The following CDC14A variants were observed in gnomAD, a reference collection of about 807,000 sequenced individuals.
CDC14A encodes the protein dual specificity protein phosphatase CDC14A.
In CDC14A, 53 loss-of-function variants were observed where a neutral mutation model predicts 74.4. The ratio of observed to expected loss-of-function variants is 0.71; its 90% CI spans 0.57 to 0.89. The LOEUF (loss-of-function observed/expected upper bound fraction) is 0.89, where lower values mean the gene tolerates loss of function less well. Ranked by LOEUF, CDC14A falls within the 40% of genes least tolerant of loss-of-function variation. The pLI is 0.00. For synonymous variants in CDC14A, 247 were observed against 258.4 expected (o/e 0.96, Z 0.43); for missense variants, 646 against 713.7 (o/e 0.91, Z 1.08).
chr1:100,416,112 T>C (rs1213946249), intron 4 of CDC14A, among the ~76,000 whole-genome samples: 1 of 152,218 alleles, frequency 6.6e-6, no homozygotes, highest in Non-Finnish European at 1.5e-5. Context: ...TTAAAAGTTT[T>C]ATGTTTCAGC....
At chr1:100,487,135 T>C (rs1022820453) in intron 11 of CDC14A, among the ~76,000 whole-genome samples, 1 of 152,244 alleles carries the variant, frequency 6.6e-6, no homozygotes, top group Middle Eastern at 3.2e-3. Flanking sequence ...AGTATTCCTC[T>C]TGAGATTGAC....
chr1:100,417,885 C>A (rs566551591), intron 4 of CDC14A, among the ~76,000 whole-genome samples: 1 of 152,312 alleles, frequency 6.6e-6, no homozygotes, highest in African/African-American at 2.4e-5. Flanking sequence ...GAGCATCTAT[C>A]TGACAGGAGG....
intron 2 of CDC14A, among the ~76,000 whole-genome samples, chr1:100,363,427 G>T (rs779687129): frequency 1.3e-5 from 2 of 152,144 alleles, no homozygotes; most frequent in Non-Finnish European, 2.9e-5. Flanking sequence ...TTTTTAACTC[G>T]TATATCAAAA....
chr1:100,351,695 A>G, upstream of CDC14A: 3 of 1,496,970 alleles, frequency 2.0e-6, no homozygotes, highest in Non-Finnish European at 2.7e-6. Flanking sequence ...TGTAAAGATT[A>G]GGCATCTGTG....
At chr1:100,401,600 A>G (rs7520005) in intron 4 of CDC14A, among the ~76,000 whole-genome samples, 44,736 of 152,092 alleles carry the variant, frequency 0.29, 9,346 homozygotes, top group African/African-American at 0.59. Flanking sequence ...TATTGTGGAT[A>G]ATAATGTTAA....
At chr1:100,420,786 T>C (rs763378595) in intron 4 of CDC14A, among the ~76,000 whole-genome samples, 3 of 152,140 alleles carry the variant, frequency 2.0e-5, no homozygotes, top group Non-Finnish European at 2.9e-5. Context: ...TGGTAAACAA[T>C]ATAAATTGTG....
At chr1:100,351,719 C>T, upstream of CDC14A, 1 of 1,548,364 alleles carries the variant, frequency 6.5e-7, no homozygotes, top group Non-Finnish European at 8.7e-7. Context: ...CTTTTGCGCT[C>T]ACATTGGCGG....
At chr1:100,507,871 G>T (rs1382700665) in intron 15 of CDC14A, among the ~76,000 whole-genome samples, 1 of 150,136 alleles carries the variant, frequency 6.7e-6, no homozygotes, top group Non-Finnish European at 1.5e-5. Flanking sequence ...GTAGAGATGG[G>T]GTTTTGCCAT....
intron 15 of CDC14A, among the ~76,000 whole-genome samples, chr1:100,517,957 A>T (rs898585599): frequency 6.6e-6 from 1 of 152,242 alleles, no homozygotes; most frequent in African/African-American, 2.4e-5. Context: ...AAATGCTTAG[A>T]GATGAGTTTA....
At chr1:100,430,973 G>C (rs924669191) in intron 5 of CDC14A, among the ~76,000 whole-genome samples, 1 of 152,144 alleles carries the variant, frequency 6.6e-6, no homozygotes, top group African/African-American at 2.4e-5. Flanking sequence ...GCTAATTCGC[G>C]TTAGTTTTGA....
At chr1:100,417,471 C>T (rs1336965703) in intron 4 of CDC14A, among the ~76,000 whole-genome samples, 7 of 152,256 alleles carry the variant, frequency 4.6e-5, no homozygotes, top group East Asian at 1.9e-4. Context: ...CTGCTGGCTG[C>T]GTTGTATCCC....
In CDC14A at chr1:100,345,552, T is replaced by C. The variant is rs548419678; in HGVS notation, c.-126+369T>C. ...TGAAAACCAGGCTTCTGATTACAAA[T>C]CCAGCATTTTTTCCACTACTCCAGG... On this transcript the variant is annotated intron_variant, in intron 1 of 14. Coordinates refer to the CDC14A transcript ENST00000635056. Among the ~76,000 whole-genome samples the C allele has an allele frequency of 4.6e-5, 7 of 152,316 alleles. No homozygotes were observed. In the South Asian group the frequency reaches 1.2e-3, roughly 27 times the overall value.
intron 4 of CDC14A, among the ~76,000 whole-genome samples, chr1:100,409,144 G>A (rs761322420): frequency 9.9e-5 from 15 of 151,990 alleles, no homozygotes; most frequent in East Asian, 3.9e-4. Context: ...CTCACATGGC[G>A]GCAGATAAGA....
chr1:100,519,190 G>C lies in CDC14A; in HGVS notation c.*910G>C, dbSNP rs1025507055. The C allele has an allele frequency of 6.6e-6, 1 of 151,892 alleles. No individual in the cohort carries two copies. 9.4% of individuals were successfully genotyped at this position (151,892 alleles called of 1,614,324 possible). On this transcript the variant is annotated 3_prime_UTR_variant, in exon 16 of 16. Coordinates refer to ENST00000336454, the MANE Select transcript of CDC14A (RefSeq NM_003672.4). Reference sequence around the variant, plus strand: ...ATCCTGCTTTGGGTATGAGGTTGTTGTTGCCTGTAATCACACATGGTTTGA... The same window carrying C: ...ATCCTGCTTTGGGTATGAGGTTGTTCTTGCCTGTAATCACACATGGTTTGA...
At chr1:100,470,131 T>G (rs1247929439) in intron 10 of CDC14A, among the ~76,000 whole-genome samples, 1 of 152,094 alleles carries the variant, frequency 6.6e-6, no homozygotes, top group East Asian at 1.9e-4. Flanking sequence ...AGATAGTGCA[T>G]CATGACCATC....
chr1:100,494,796 T>C lies in CDC14A; in HGVS notation c.1138-22T>C, dbSNP rs767417826. 3 of 1,427,554 alleles carry C rather than the reference T, an allele frequency of 2.1e-6. No individual in the cohort carries two copies. The African/African-American group carries it at 4.2e-5, about 20-fold the overall frequency. The allele number at this position is 1,427,554 out of a possible 1,614,324, so 88.4% of individuals were successfully genotyped here. A position where few individuals can be genotyped will look rare whatever the true frequency, so the allele number is the denominator to read the frequency against. ...ATAAAGCCAAATTTTGACCTTTCTA[T>C]GGAACGTGTATTTTTTTCCAGGATA... On this transcript the variant is annotated intron_variant, in intron 11 of 15. Transcript: ENST00000336454.
In CDC14A at chr1:100,352,831, C is replaced by T; in HGVS notation, c.-124C>T. The T allele has an allele frequency of 6.6e-7, 1 of 1,509,986 alleles. No individual in the cohort carries two copies. Among genetic ancestry groups the T allele is most frequent in the African/African-American group, 1.4e-5 (1 of 70,668 alleles). The allele number at this position is 1,509,986 out of a possible 1,614,324, so 93.5% of individuals were successfully genotyped here. On this transcript the variant is annotated 5_prime_UTR_variant, in exon 1 of 16. Coordinates refer to ENST00000336454, the MANE Select transcript of CDC14A (RefSeq NM_003672.4). ...CTCCGCCTTCGGCGCCTGCTGCCTCCCTCGGCCAGGCTTGTTGTTCGGGAC... is the reference window on the plus strand; with the variant it reads ...CTCCGCCTTCGGCGCCTGCTGCCTCTCTCGGCCAGGCTTGTTGTTCGGGAC...
chr1:100,394,219 A>T (rs1335893900), intron 4 of CDC14A, among the ~76,000 whole-genome samples: 6 of 151,980 alleles, frequency 3.9e-5, no homozygotes, highest in African/African-American at 7.3e-5. Flanking sequence ...TGCTCAAGCG[A>T]TCCTCCTGCC....
chr1:100,451,886 TC>T (rs763376026), intron 7 of CDC14A, among the ~76,000 whole-genome samples: 58 of 152,310 alleles, frequency 3.8e-4, no homozygotes, highest in African/African-American at 1.4e-3. Context: ...TATTTGTCAT[TC>T]CCACCTGCCT....
Sources: gnomAD v4.1 joint callset for allele counts (sites outside exome capture counted in the v4.1 genomes callset) on GRCh38, gnomAD v4.1.1 for gene constraint, MANE v1.5 for transcripts, NCBI Gene and HGNC (gene_info 2026-07-23, HGNC 2026-07-21) for gene names.